The following PDE4D variants were observed in gnomAD, a reference collection of about 807,000 sequenced individuals.
The protein encoded by PDE4D is phosphodiesterase 4D.
PDE4D carries 24 observed loss-of-function variants against 87.4 expected under a neutral mutation model. The ratio of observed to expected loss-of-function variants is 0.27; its 90% CI spans 0.20 to 0.39. The LOEUF is 0.39. PDE4D is among the 10% of genes least tolerant of loss of function. The pLI is 1.00. For missense variants in PDE4D, 714 were observed against 1,041.0 expected, an observed-to-expected ratio of 0.69 and a Z score of 4.32; for synonymous variants, 384 against 383.2, an observed-to-expected ratio of 1.00 and a Z score of -0.02.
rs1358800224 is a variant in PDE4D, at chr5:58,969,375, C to T, written c.*5289G>A. ...ATGGCTCTGCGGCTCCAGGCCCTGCCTACTCTCTCACTTTTCCTCAGTTTC... is the reference window on the plus strand; with the variant it reads ...ATGGCTCTGCGGCTCCAGGCCCTGCTTACTCTCTCACTTTTCCTCAGTTTC... On this transcript the variant is annotated 3_prime_UTR_variant, in exon 15 of 15. Transcript: ENST00000340635. 2.0e-5 allele frequency: 3 copies of T among 152,212 alleles called. No homozygotes were observed. Among genetic ancestry groups the T allele is most frequent in the Non-Finnish European group, 2.9e-5 (2 of 68,054 alleles). The allele number at this position is 152,212 out of a possible 1,614,324, so 9.4% of individuals were successfully genotyped here. A position where few individuals can be genotyped will look rare whatever the true frequency, so the allele number is the denominator to read the frequency against.
At chr5:59,456,661 T>C (rs746528163) in intron 1 of PDE4D, among the ~76,000 whole-genome samples, 1 of 152,162 alleles carries the variant, frequency 6.6e-6, no homozygotes, top group Non-Finnish European at 1.5e-5. Flanking sequence ...TTCTGATGTA[T>C]ATGGATAAAG....
intron 1 of PDE4D, among the ~76,000 whole-genome samples, chr5:59,318,895 T>C (rs1561947388): frequency 6.6e-6 from 1 of 152,120 alleles, no homozygotes; most frequent in Non-Finnish European, 1.5e-5. Flanking sequence ...AATCTTTTAT[T>C]TTATAAACAA....
At chr5:60,344,623 C>T (rs1183432155) in intron 1 of PDE4D, among the ~76,000 whole-genome samples, 1 of 152,112 alleles carries the variant, frequency 6.6e-6, no homozygotes, top group African/African-American at 2.4e-5. Context: ...TTCAAATTTT[C>T]ACCAACTACC....
At chr5:59,944,838 T>C (rs1757570560) in intron 3 of PDE4D, among the ~76,000 whole-genome samples, 1 of 152,274 alleles carries the variant, frequency 6.6e-6, no homozygotes, top group African/African-American at 2.4e-5. Context: ...CTATACCTAC[T>C]TTCCCTCTTC....
At chr5:60,305,040 C>T (rs112179399) in intron 1 of PDE4D, among the ~76,000 whole-genome samples, 2,366 of 102,892 alleles carry the variant, frequency 0.023, 65 homozygotes, top group African/African-American at 0.085. Context: ...TTGAGCTATA[C>T]ACACACACAC....
chr5:59,221,389 T>C (rs1461763813), intron 1 of PDE4D, among the ~76,000 whole-genome samples: 1 of 152,118 alleles, frequency 6.6e-6, no homozygotes, highest in Non-Finnish European at 1.5e-5. Flanking sequence ...CCCAGCACTT[T>C]AGGAAGCCAA....
chr5:59,077,704 TA>T (rs1202840084), intron 5 of PDE4D, among the ~76,000 whole-genome samples: 11 of 152,122 alleles, frequency 7.2e-5, no homozygotes, highest in Admixed American at 7.2e-4. Flanking sequence ...ATCTTAGGAC[TA>T]CCATGCATAT....
intron 5 of PDE4D, among the ~76,000 whole-genome samples, chr5:59,140,339 A>G (rs1012990760): frequency 2.6e-5 from 4 of 152,228 alleles, no homozygotes; most frequent in African/African-American, 9.6e-5. Context: ...GCATGTCTCA[A>G]TGTGGCTATA....
At chr5:59,917,596 T>A (rs747385093) in intron 3 of PDE4D, among the ~76,000 whole-genome samples, 1 of 152,256 alleles carries the variant, frequency 6.6e-6, no homozygotes, top group Non-Finnish European at 1.5e-5. Context: ...TCCTTATTCA[T>A]TATTTCATAT....
intron 5 of PDE4D, among the ~76,000 whole-genome samples, chr5:59,134,649 A>G (rs115930305): frequency 1.9e-4 from 29 of 152,324 alleles, no homozygotes; most frequent in Middle Eastern, 3.4e-3. Context: ...CATGGATTCT[A>G]ACATCTGGCA....
chr5:60,360,944 A>G (rs988511183), intron 1 of PDE4D, among the ~76,000 whole-genome samples: 4 of 152,220 alleles, frequency 2.6e-5, no homozygotes, highest in Non-Finnish European at 4.4e-5. Context: ...TTAGGAAATG[A>G]ACTATCAAAT....
At chr5:60,157,604 T>C (rs1269630135) in intron 2 of PDE4D, among the ~76,000 whole-genome samples, 2 of 152,162 alleles carry the variant, frequency 1.3e-5, no homozygotes, top group Non-Finnish European at 2.9e-5. Context: ...CCTCAACCAA[T>C]TCATTTAAAG....
intron 1 of PDE4D, among the ~76,000 whole-genome samples, chr5:60,386,882 CTGT>C (rs1762226518): frequency 6.6e-6 from 1 of 152,186 alleles, no homozygotes; most frequent in South Asian, 2.1e-4. Context: ...TGCTTGGCAT[CTGT>C]TGTTTGTGAT....
chr5:60,311,403 G>T (rs1186092243), intron 1 of PDE4D, among the ~76,000 whole-genome samples: 1 of 152,172 alleles, frequency 6.6e-6, no homozygotes, highest in Non-Finnish European at 1.5e-5. Flanking sequence ...CGAGGCCAGA[G>T]GCCTATATTC....
At chr5:59,219,918 C>T (rs1009035113) in intron 1 of PDE4D, among the ~76,000 whole-genome samples, 7 of 151,914 alleles carry the variant, frequency 4.6e-5, no homozygotes, top group African/African-American at 1.7e-4. Context: ...AAAACAAAAC[C>T]AAGAAGGAAT....
At chr5:59,782,500 T>A (rs1199809441) in intron 1 of PDE4D, among the ~76,000 whole-genome samples, 1 of 152,200 alleles carries the variant, frequency 6.6e-6, no homozygotes, top group Non-Finnish European at 1.5e-5. Flanking sequence ...TATGGAACCA[T>A]TTCAGAGAAG....
rs111706540 is a variant in PDE4D, at chr5:59,219,590, T to A, written c.456-3622A>T. Among the ~76,000 whole-genome samples, 424 of 152,280 alleles carry A rather than the reference T, an allele frequency of 2.8e-3. 2 individuals are homozygous for A. The highest frequency in any genetic ancestry group is 9.7e-3 in the African/African-American group (404 of 41,548). On this transcript the variant is annotated intron_variant, in intron 1 of 14. Coordinates refer to ENST00000340635, the MANE Select transcript of PDE4D (RefSeq NM_001104631.2). ...TTACATTACATCCTATGTCCTTAGATCAGCACTTGAATAAGTACAGATATA... is the reference window on the plus strand; with the variant it reads ...TTACATTACATCCTATGTCCTTAGAACAGCACTTGAATAAGTACAGATATA...
At chr5:59,914,720 C>T (rs1012647716) in intron 3 of PDE4D, among the ~76,000 whole-genome samples, 6 of 151,712 alleles carry the variant, frequency 4.0e-5, no homozygotes, top group Admixed American at 1.3e-4. Flanking sequence ...TGAAAACAGA[C>T]GGTAGAATGG....
chr5:59,657,102 T>C (rs1744489234), intron 1 of PDE4D, among the ~76,000 whole-genome samples: 1 of 152,112 alleles, frequency 6.6e-6, no homozygotes, highest in South Asian at 2.1e-4. Flanking sequence ...ACCAAATATA[T>C]ACTTGGAAAT....
Sources: gnomAD v4.1 joint callset for allele counts (sites outside exome capture counted in the v4.1 genomes callset) on GRCh38, gnomAD v4.1.1 for gene constraint, MANE v1.5 for transcripts, NCBI Gene and HGNC (gene_info 2026-07-23, HGNC 2026-07-21) for gene names.